The following PLEKHG5 variants were observed in gnomAD, a reference collection of about 807,000 sequenced individuals.
The protein encoded by PLEKHG5 is pleckstrin homology and RhoGEF domain containing G5, also known as pleckstrin homology domain-containing family G member 5.
A neutral mutation model predicts 103.8 loss-of-function variants in PLEKHG5; 52 were observed. The observed-to-expected ratio is 0.50, with a 90% CI of 0.40 to 0.63. The LOEUF (loss-of-function observed/expected upper bound fraction) is 0.63. Ranked by LOEUF, PLEKHG5 falls within the 30% of genes least tolerant of loss-of-function variation. The pLI, the probability that PLEKHG5 is intolerant of heterozygous loss-of-function variation, is 0.00. For synonymous variants in PLEKHG5, 592 were observed against 575.5 expected (o/e 1.03, Z -0.41); for missense variants, 1,205 against 1,347.6 (o/e 0.89, Z 1.66).
At position 6,472,512 on chromosome 1, in the gene PLEKHG5, G is replaced by A. The variant is rs759188294; in HGVS notation, c.1080+15C>T. ...GGGCAGGGTGGCCACGGGGACCAGC[G>A]CAGCCCCTACTCACGTTGATGATCA... On this transcript the variant is annotated intron_variant, in intron 10 of 20. Transcript: ENST00000377728. The A allele has an allele frequency of 3.8e-6, 6 of 1,572,216 alleles. No homozygotes were observed. The highest frequency in any genetic ancestry group is 1.4e-5 in the African/African-American group (1 of 74,060).
intron 1 of PLEKHG5, among the ~76,000 whole-genome samples, chr1:6,512,462 T>G (rs1246087632): frequency 6.6e-6 from 1 of 152,182 alleles, no homozygotes; most frequent in Middle Eastern, 3.4e-3. Flanking sequence ...ACCGAGTGTG[T>G]GGGGGGCAGG....
rs1412204785 is a variant in PLEKHG5, at chr1:6,505,277, A to ACCGACCAGCCCACGATG, written c.-164-8725_-164-8709dup. Among the ~76,000 whole-genome samples, 1 of 152,016 alleles carries ACCGACCAGCCCACGATG rather than the reference A, an allele frequency of 6.6e-6. No homozygotes were observed. Among genetic ancestry groups the ACCGACCAGCCCACGATG allele is most frequent in the Non-Finnish European group, 1.5e-5 (1 of 67,974 alleles). ...CCCACTGTGCCGACCAGCCTACAGT[A>ACCGACCAGCCCACGATG]CCGACCAGCCCACGATGCCGACCAG... is the stretch of plus-strand genomic sequence containing the variant. On this transcript the variant is annotated intron_variant, in intron 1 of 21. Coordinates refer to the PLEKHG5 transcript ENST00000377740. The surrounding 1 kb of genome is among the most constrained non-coding windows in gnomAD (Gnocchi z 4.2).
intron 1 of PLEKHG5, among the ~76,000 whole-genome samples, chr1:6,503,326 A>T (rs1557768935): frequency 6.6e-6 from 1 of 151,112 alleles, no homozygotes; most frequent in Non-Finnish European, 1.5e-5. Context: ...CTGAGGCAGG[A>T]GTGCTGCTTC....
intron 1 of PLEKHG5, among the ~76,000 whole-genome samples, chr1:6,502,310 C>T (rs538267027): frequency 1.1e-4 from 16 of 152,276 alleles, no homozygotes; most frequent in Non-Finnish European, 2.4e-4. Flanking sequence ...CACCTTGGGG[C>T]AGGTCAGTGA....
chr1:6,477,499 G>A (rs749758169), intron 2 of PLEKHG5, 30 bp downstream of exon 2: 1 of 1,606,014 alleles, frequency 6.2e-7, no homozygotes, highest in South Asian at 1.1e-5. Context: ...GAGCTCTGGG[G>A]GCCGAGCTGC....
upstream of PLEKHG5, chr1:6,497,409 C>T (rs1645244353): frequency 6.0e-6 from 6 of 993,966 alleles, no homozygotes; most frequent in Non-Finnish European, 6.0e-6. This position sits in a 1 kb window ranked among gnomAD's most constrained non-coding sequence, Gnocchi z 6.1. Flanking sequence ...GAGCCGCCGC[C>T]GCCGGACCCT....
chr1:6,471,361 G>A, intron 12 of PLEKHG5, 127 bp downstream of exon 12: 1 of 1,121,964 alleles, frequency 8.9e-7, no homozygotes, highest in Non-Finnish European at 1.3e-6. Context: ...TTGGCCACAA[G>A]GGGTCAAGTG....
At chr1:6,519,481 G>C (rs1288492893) in exon 1 of PLEKHG5, 2 of 1,614,038 alleles carry the variant, frequency 1.2e-6, no homozygotes, top group African/African-American at 1.3e-5. Context: ...CTTCGAGGTG[G>C]AGACCCATGT....
At chr1:6,489,310 C>T (rs1223477109) in intron 1 of PLEKHG5, among the ~76,000 whole-genome samples, 1 of 152,194 alleles carries the variant, frequency 6.6e-6, no homozygotes, top group African/African-American at 2.4e-5. Flanking sequence ...CTCCTTTCCC[C>T]TAGGCCCAGG....
chr1:6,469,637 C>G lies in PLEKHG5; in HGVS notation c.1840G>C (p.Val614Leu), dbSNP rs752514480. 4.4e-5 allele frequency: 71 copies of G among 1,613,598 alleles called. No homozygotes were observed. The highest frequency in any genetic ancestry group is 5.8e-5 in the Non-Finnish European group (68 of 1,180,036). ...YCFLFTDLLL[V>L]TKAVKKAERT... ...TCTGCCTTCTTCACTGCTTTGGTCACCAACAGCAGATCCGTGAAGAGGAAG... is the reference window on the plus strand; with the variant it reads ...TCTGCCTTCTTCACTGCTTTGGTCAGCAACAGCAGATCCGTGAAGAGGAAG... Residue 614 changes from valine to leucine, a missense_variant, in exon 17 of 21, where the codon GTG (valine) becomes CTG (leucine). Coordinates refer to ENST00000377728, the MANE Select transcript of PLEKHG5 (RefSeq NM_020631.6).
chr1:6,495,738 C>T (rs866929473), upstream of PLEKHG5, among the ~76,000 whole-genome samples: 7 of 152,358 alleles, frequency 4.6e-5, no homozygotes, highest in South Asian at 2.1e-4. Flanking sequence ...CTCCAAACCC[C>T]GGCTCCATCT....
intron 1 of PLEKHG5, among the ~76,000 whole-genome samples, chr1:6,489,989 C>A (rs1182261364): frequency 6.6e-6 from 1 of 152,206 alleles, no homozygotes; most frequent in African/African-American, 2.4e-5. Context: ...GCATCCCCCA[C>A]CCCTAAGTGG....
chr1:6,489,343 T>C (rs1270854260), intron 1 of PLEKHG5, among the ~76,000 whole-genome samples: 1 of 152,292 alleles, frequency 6.6e-6, no homozygotes, highest in African/African-American at 2.4e-5. Flanking sequence ...CCCCTTGGGT[T>C]CTGAGGCTCA....
upstream of PLEKHG5, among the ~76,000 whole-genome samples, chr1:6,498,406 C>T (rs1273392553): frequency 6.6e-6 from 1 of 152,152 alleles, no homozygotes; most frequent in African/African-American, 2.4e-5. Flanking sequence ...CTGGTGCCTG[C>T]CCCAAGGACT....
Position 6,468,058 on chromosome 1 carries a change from G to A in PLEKHG5, c.2778C>T (p.Ser926=). 6.4e-7 allele frequency: 1 copy of A among 1,570,568 alleles called. No individual in the cohort carries two copies. ...TQGSPQEAGP[S]WDCRGAPSPG... ...GGCTAGGGGCCCCTCGGCAATCCCA[G>A]CTGGGCCCAGCTTCCTGAGGGGAGC... Residue 926 remains serine (S), a synonymous_variant, in exon 20 of 21, where the codon AGC becomes AGT. Coordinates refer to ENST00000377728, the MANE Select transcript of PLEKHG5 (RefSeq NM_020631.6).
chr1:6,470,145 C>T (rs1366155430), intron 16 of PLEKHG5, 91 bp downstream of exon 16: 9 of 1,412,782 alleles, frequency 6.4e-6, no homozygotes, highest in South Asian at 2.5e-5. Flanking sequence ...GAGTAACCAC[C>T]GAAGGGACTG....
rs1213246908 is a variant in PLEKHG5, at chr1:6,471,775, A to T, written c.1114T>A (p.Ser372Thr). Reference protein sequence around the residue: ...FLCCLLNLQESGLLCEVEAER... With the variant: ...FLCCLLNLQETGLLCEVEAER... ...CAGCGCACCTCACACAGCAGCCCTG[A>T]CTCTTGCAGGTTCAGGAGGCAGCAC... The change falls in exon 11 of 21, where the codon TCA (serine) becomes ACA (threonine). Residue 372 changes from serine (S) to threonine (T), a missense_variant. Coordinates refer to ENST00000377728, the MANE Select transcript of PLEKHG5 (RefSeq NM_020631.6). 6.2e-7 allele frequency: 1 copy of T among 1,610,306 alleles called. No homozygotes were observed. Among genetic ancestry groups the T allele is most frequent in the Non-Finnish European group, 8.5e-7 (1 of 1,178,610 alleles).
chr1:6,490,224 C>T lies in PLEKHG5; in HGVS notation c.-88+1413G>A, dbSNP rs1645122987. 6.6e-6 allele frequency among the ~76,000 whole-genome samples: 1 copy of T among 152,140 alleles called. No homozygotes were observed. The highest frequency in any genetic ancestry group is 2.4e-5 in the African/African-American group (1 of 41,432). ...CATAGACTCCTCACGGCCCTATCTC[C>T]GAGCCGACCCACCCTAGAGACACTG... On this transcript the variant is annotated intron_variant, in intron 1 of 20. Transcript: ENST00000377728. The surrounding 1 kb of genome is among the most constrained non-coding windows in gnomAD (Gnocchi z 8.0).
Position 6,471,114 on chromosome 1 carries a change from GA to G in PLEKHG5, c.1282-15del. On this transcript the variant is annotated splice_polypyrimidine_tract_variant and intron_variant, in intron 12 of 20. Coordinates refer to ENST00000377728, the MANE Select transcript of PLEKHG5 (RefSeq NM_020631.6). The stretch of plus-strand genomic sequence containing the variant: ...GAGCGAGCCGAACTGGCCCGGGGCA[GA>G]ACAACCACGGCGCCGGTTACCGCGC... 2 of 1,561,990 alleles carry G rather than the reference GA, an allele frequency of 1.3e-6. No individual in the cohort carries two copies. The highest frequency in any genetic ancestry group is 1.7e-6 in the Non-Finnish European group (2 of 1,152,668).
Sources: allele counts gnomAD v4.1 joint callset (sites outside exome capture counted in the v4.1 genomes callset), GRCh38; gene constraint gnomAD v4.1.1; non-coding constraint Gnocchi (gnomAD v3.1); transcripts MANE v1.5; gene names NCBI Gene and HGNC (gene_info 2026-07-23, HGNC 2026-07-21).